The following COL23A1 variants were observed in gnomAD, a reference collection of about 807,000 sequenced individuals.
COL23A1 encodes the protein collagen alpha-1(XXIII) chain.
Under a neutral mutation model 99.3 loss-of-function variants are expected in COL23A1, and 97 were observed. The ratio of observed to expected loss-of-function variants is 0.98; its 90% confidence interval spans 0.83 to 1.16. The LOEUF is 1.16. COL23A1 is among the 50% of genes most tolerant of loss of function. COL23A1 has a pLI of 0.00. For missense variants in COL23A1, 762 were observed against 757.4 expected (o/e 1.01, Z -0.07); for synonymous variants, 320 against 308.2 (o/e 1.04, Z -0.40).
intron 2 of COL23A1, among the ~76,000 whole-genome samples, chr5:178,338,927 T>C (rs1354166332): frequency 1.3e-5 from 2 of 152,134 alleles, no homozygotes; most frequent in African/African-American, 2.4e-5. Context: ...CTGAGGCTTG[T>C]CTCTATCAAC....
intron 18 of COL23A1, 25 bp from the exon 19 acceptor site, chr5:178,249,231 G>A: frequency 6.2e-7 from 1 of 1,608,858 alleles, no homozygotes; most frequent in Non-Finnish European, 8.5e-7. Context: ...CACAAGGGAT[G>A]AGTGGGGCTC....
At chr5:178,312,159 A>C (rs1758729333) in intron 2 of COL23A1, among the ~76,000 whole-genome samples, 1 of 152,200 alleles carries the variant, frequency 6.6e-6, no homozygotes, top group Admixed American at 6.5e-5. Context: ...CTTTGAGCAA[A>C]GTGCAAGGGC....
At chr5:178,534,851 C>T (rs1239447435) in intron 2 of COL23A1, among the ~76,000 whole-genome samples, 1 of 152,166 alleles carries the variant, frequency 6.6e-6, no homozygotes, top group Non-Finnish European at 1.5e-5. Flanking sequence ...GGCCCTGCCC[C>T]ACACTCTCAT....
At chr5:178,487,967 C>A (rs1757724787) in intron 2 of COL23A1, among the ~76,000 whole-genome samples, 1 of 152,252 alleles carries the variant, frequency 6.6e-6, no homozygotes, top group South Asian at 2.1e-4. Context: ...TAAGACAGTG[C>A]TGGCTGTGAG....
chr5:178,248,086 C>G, intron 20 of COL23A1, 106 bp downstream of exon 20: 1 of 825,668 alleles, frequency 1.2e-6, no homozygotes. Context: ...CCCCTACTGC[C>G]CTGGGTTTGC....
intron 2 of COL23A1, among the ~76,000 whole-genome samples, chr5:178,547,632 ACC>A (rs1165586943): frequency 4.0e-4 from 1 of 2,476 alleles, no homozygotes; most frequent in African/African-American, 1.7e-3. Context: ...ACCCACCCAC[ACC>A]CCCCCACACA....
chr5:178,339,965 C>T (rs1210660317), intron 2 of COL23A1, among the ~76,000 whole-genome samples: 5 of 151,576 alleles, frequency 3.3e-5, no homozygotes. Context: ...TGTGATTCTG[C>T]AACAATGACT....
At chr5:178,259,141 G>A (rs917285661) in intron 12 of COL23A1, among the ~76,000 whole-genome samples, 2 of 152,056 alleles carry the variant, frequency 1.3e-5, no homozygotes, top group African/African-American at 2.4e-5. Context: ...GGCTGGTCTT[G>A]AACTCCTGAT....
At chr5:178,254,279 A>ACCGTCACG (rs199511820) in intron 16 of COL23A1, among the ~76,000 whole-genome samples, 5 of 126,262 alleles carry the variant, frequency 4.0e-5, no homozygotes, top group Non-Finnish European at 7.6e-5. Flanking sequence ...GCCACGCCAC[A>ACCGTCACG]CCACGCCACG....
rs185256720 is a variant in COL23A1 at position 178,478,861 on chromosome 5, G to A, written c.361+81821C>T. ...GAGAAGACTTACCCCAGAGGATAAAGGCACAGAGATCCTGGCTCCAGAAAG... is the reference window on the plus strand; with the variant it reads ...GAGAAGACTTACCCCAGAGGATAAAAGCACAGAGATCCTGGCTCCAGAAAG... On this transcript the variant is annotated intron_variant, in intron 2 of 28. Transcript: ENST00000390654. 5.9e-5 allele frequency among the ~76,000 whole-genome samples: 9 copies of A among 152,278 alleles called. No homozygotes were observed. In the East Asian group the frequency reaches 1.7e-3, roughly 29 times the overall value.
intron 1 of COL23A1, among the ~76,000 whole-genome samples, chr5:178,582,039 G>GA (rs912003396): frequency 6.6e-6 from 1 of 151,562 alleles, no homozygotes; most frequent in Non-Finnish European, 1.5e-5. Context: ...ATTTAAAAAA[G>GA]AAAAAAGTGC....
chr5:178,535,828 A>G (rs1760907905), intron 2 of COL23A1, among the ~76,000 whole-genome samples: 1 of 152,264 alleles, frequency 6.6e-6, no homozygotes, highest in African/African-American at 2.4e-5. Flanking sequence ...GAGGGTGGGC[A>G]TCCCGCCATG....
intron 2 of COL23A1, among the ~76,000 whole-genome samples, chr5:178,321,932 A>G (rs1186725126): frequency 6.6e-6 from 1 of 151,924 alleles, no homozygotes; most frequent in Non-Finnish European, 1.5e-5. Context: ...CTTCTGCCTC[A>G]GCCTCCCAAG....
chr5:178,352,133 A>G (rs920539928), intron 2 of COL23A1: 6 of 152,136 alleles, frequency 3.9e-5, no homozygotes, highest in African/African-American at 1.4e-4. Flanking sequence ...TTCTCTACTC[A>G]GCTCTCGGGC....
chr5:178,557,454 G>A (rs1181445689), intron 2 of COL23A1, among the ~76,000 whole-genome samples: 2 of 152,134 alleles, frequency 1.3e-5, no homozygotes, highest in Non-Finnish European at 2.9e-5. Flanking sequence ...GCCAGCTCAG[G>A]GCCCCCCGCC....
At chr5:178,259,693 C>T (rs760135705) in intron 12 of COL23A1, 28 bp downstream of exon 12, 5 of 1,598,344 alleles carry the variant, frequency 3.1e-6, no homozygotes, top group East Asian at 4.5e-5. Context: ...AACACTGACC[C>T]GGAAGCTCCT....
At chr5:178,498,257 TAA>T (rs1562025810) in intron 2 of COL23A1, among the ~76,000 whole-genome samples, 13 of 83,784 alleles carry the variant, frequency 1.6e-4, no homozygotes, top group Admixed American at 9.9e-4. Context: ...TATATATATA[TAA>T]AAGAACTTAA....
chr5:178,538,892 T>C (rs1357510111), intron 2 of COL23A1, among the ~76,000 whole-genome samples: 4 of 151,838 alleles, frequency 2.6e-5, no homozygotes, highest in Non-Finnish European at 5.9e-5. Flanking sequence ...TACTCAGCCA[T>C]AAAAAAAGAA....
rs147225650 is a variant in COL23A1, at chr5:178,296,469, C to T, written c.407-6100G>A. Among the ~76,000 whole-genome samples, 36 of 152,260 alleles carry T rather than the reference C, an allele frequency of 2.4e-4. 1 individual carries two copies. In the East Asian group the frequency reaches 5.8e-3, roughly 25 times the overall value. Reference sequence around the variant, plus strand: ...ACCTGGGGCAGAGAGAGGTGAGATACGCACTTCACGACCCCCGCGGATCCC... The same window carrying T: ...ACCTGGGGCAGAGAGAGGTGAGATATGCACTTCACGACCCCCGCGGATCCC... On this transcript the variant is annotated intron_variant, in intron 3 of 28. Transcript: ENST00000390654.
Sources: gnomAD v4.1 joint callset for allele counts (sites outside exome capture counted in the v4.1 genomes callset) on GRCh38, gnomAD v4.1.1 for gene constraint, MANE v1.5 for transcripts, NCBI Gene and HGNC (gene_info 2026-07-23, HGNC 2026-07-21) for gene names.